Variants in GPATCH2 observed in about 807,000 individuals in gnomAD.
GPATCH2 encodes the protein G patch domain-containing protein 2.
A neutral mutation model predicts 58.0 loss-of-function variants in GPATCH2; 51 were observed. The observed-to-expected ratio is 0.88, with a 90% confidence interval of 0.70 to 1.11. GPATCH2 has a LOEUF of 1.11. GPATCH2 is among the 50% of genes most tolerant of loss of function. The pLI is 0.00. For synonymous variants in GPATCH2, 222 were observed against 218.5 expected, an observed-to-expected ratio of 1.02 and a Z score of -0.14; for missense variants, 625 against 652.2, an observed-to-expected ratio of 0.96 and a Z score of 0.45.
chr1:217,619,994 A>T lies in GPATCH2; in HGVS notation c.562T>A (p.Cys188Ser), dbSNP rs1669103599. 6.2e-7 allele frequency: 1 copy of T among 1,613,932 alleles called. No individual in the cohort carries two copies. The highest frequency in any genetic ancestry group is 1.3e-5 in the African/African-American group (1 of 74,920). Reference sequence around the variant, plus strand: ...TCACTGTCCATGTCCTGATCTCTACAACCCTCAGGTGGCTGGGTCATTGTC... The same window carrying T: ...TCACTGTCCATGTCCTGATCTCTACTACCCTCAGGTGGCTGGGTCATTGTC... Reference protein sequence around the residue: ...KRTMTQPPEGCRDQDMDSDRA... With the variant: ...KRTMTQPPEGSRDQDMDSDRA... Residue 188 changes from cysteine (C) to serine (S), a missense_variant, in exon 2 of 10, where the codon TGT becomes AGT. By Grantham distance (112) the Cys-to-Ser change is moderately radical. Transcript: ENST00000366935.
At chr1:217,572,267 C>A (rs1017680697) in intron 5 of GPATCH2, among the ~76,000 whole-genome samples, 4 of 152,080 alleles carry the variant, frequency 2.6e-5, no homozygotes, top group African/African-American at 9.7e-5. Context: ...CTAACTTATT[C>A]TGTGTAACTC....
chr1:217,500,234 T>A (rs1488785712), intron 6 of GPATCH2, among the ~76,000 whole-genome samples: 1 of 152,128 alleles, frequency 6.6e-6, no homozygotes, highest in Non-Finnish European at 1.5e-5. Flanking sequence ...TTCTTATCAC[T>A]GTTAGTTTTC....
intron 2 of GPATCH2, among the ~76,000 whole-genome samples, chr1:217,617,848 G>A (rs1464042159): frequency 6.6e-6 from 1 of 152,082 alleles, no homozygotes; most frequent in Non-Finnish European, 1.5e-5. Flanking sequence ...GCCTGTTCAT[G>A]CCTAGTAGAT....
intron 5 of GPATCH2, among the ~76,000 whole-genome samples, chr1:217,571,542 G>A (rs1003044035): frequency 6.6e-6 from 1 of 151,162 alleles, no homozygotes; most frequent in South Asian, 2.1e-4. Context: ...AAAGGTGAGC[G>A]ATTAAAAAGG....
At chr1:217,576,260 G>A (rs1666798101) in intron 5 of GPATCH2, among the ~76,000 whole-genome samples, 1 of 152,070 alleles carries the variant, frequency 6.6e-6, no homozygotes, top group Non-Finnish European at 1.5e-5. Flanking sequence ...AACCAGTGAT[G>A]ACACACTATC....
intron 8 of GPATCH2, among the ~76,000 whole-genome samples, chr1:217,490,108 T>C (rs1476861142): frequency 1.3e-5 from 2 of 152,184 alleles, no homozygotes; most frequent in African/African-American, 2.4e-5. Flanking sequence ...AAAATCTTTA[T>C]TTTACTTCAT....
chr1:217,567,382 A>C (rs1270991785), intron 5 of GPATCH2, among the ~76,000 whole-genome samples: 1 of 152,196 alleles, frequency 6.6e-6, no homozygotes, highest in Non-Finnish European at 1.5e-5. Context: ...CATTTGCTTA[A>C]GAGTATTGGC....
At chr1:217,562,217 A>T (rs1464539336) in intron 5 of GPATCH2, among the ~76,000 whole-genome samples, 2 of 152,192 alleles carry the variant, frequency 1.3e-5, no homozygotes, top group Admixed American at 1.3e-4. Flanking sequence ...AAAACACAGC[A>T]TTGGGTTTAT....
intron 6 of GPATCH2, among the ~76,000 whole-genome samples, chr1:217,501,150 T>G (rs1441086530): frequency 6.6e-6 from 1 of 152,126 alleles, no homozygotes; most frequent in Non-Finnish European, 1.5e-5. Flanking sequence ...ATTCTCTATT[T>G]TTATAATTTT....
At chr1:217,454,348 G>A (rs1416138289) in intron 8 of GPATCH2, among the ~76,000 whole-genome samples, 2 of 152,004 alleles carry the variant, frequency 1.3e-5, no homozygotes, top group African/African-American at 2.4e-5. Context: ...CCAGCACCTT[G>A]GGAGGCTGAG....
chr1:217,533,321 A>T (rs1664296280), intron 5 of GPATCH2, among the ~76,000 whole-genome samples: 1 of 152,200 alleles, frequency 6.6e-6, no homozygotes, highest in Admixed American at 6.5e-5. Flanking sequence ...AGTGTATGAG[A>T]TATTAAAACT....
chr1:217,627,778 A>G (rs564167374), intron 1 of GPATCH2, among the ~76,000 whole-genome samples: 1 of 152,224 alleles, frequency 6.6e-6, no homozygotes, highest in South Asian at 2.1e-4. Context: ...CTCATTTATT[A>G]TTAAATCTGA....
chr1:217,472,240 T>C (rs1660753788), intron 8 of GPATCH2, among the ~76,000 whole-genome samples: 1 of 151,762 alleles, frequency 6.6e-6, no homozygotes, highest in Non-Finnish European at 1.5e-5. Flanking sequence ...CAAGATCTTT[T>C]CAAAAATGAC....
At chr1:217,508,232 T>C (rs1251602609) in intron 6 of GPATCH2, among the ~76,000 whole-genome samples, 1 of 152,144 alleles carries the variant, frequency 6.6e-6, no homozygotes, top group Non-Finnish European at 1.5e-5. Context: ...ACACTTTCAC[T>C]ATAAAGCAAT....
At chr1:217,465,642 G>A (rs188440143) in intron 8 of GPATCH2, among the ~76,000 whole-genome samples, 114 of 152,162 alleles carry the variant, frequency 7.5e-4, no homozygotes, top group Non-Finnish European at 1.3e-3. Flanking sequence ...CTCTCTTGCC[G>A]CCAACATGTA....
intron 5 of GPATCH2, among the ~76,000 whole-genome samples, chr1:217,523,489 G>A (rs1663589724): frequency 6.6e-6 from 1 of 151,418 alleles, no homozygotes; most frequent in Non-Finnish European, 1.5e-5. Flanking sequence ...CAGGGTTGGG[G>A]GTAAGGTCAC....
At chr1:217,578,319 A>T (rs1324707168) in intron 5 of GPATCH2, among the ~76,000 whole-genome samples, 2 of 151,876 alleles carry the variant, frequency 1.3e-5, no homozygotes, top group Non-Finnish European at 2.9e-5. Flanking sequence ...GCCTCAAAGA[A>T]CTCCTAGGCC....
At chr1:217,471,159 CAAAAG>C (rs1235048692) in intron 8 of GPATCH2, among the ~76,000 whole-genome samples, 6 of 151,760 alleles carry the variant, frequency 4.0e-5, no homozygotes, top group African/African-American at 1.5e-4. Context: ...TGAAATATGA[CAAAAG>C]AGAATTTGTT....
At chr1:217,621,369 C>T (rs1431975003) in intron 1 of GPATCH2, among the ~76,000 whole-genome samples, 1 of 152,114 alleles carries the variant, frequency 6.6e-6, no homozygotes, top group African/African-American at 2.4e-5. Flanking sequence ...GATTTGCACC[C>T]GTCTTATGAA....
Sources: gnomAD v4.1 joint callset for allele counts (sites outside exome capture counted in the v4.1 genomes callset) on GRCh38, gnomAD v4.1.1 for gene constraint, MANE v1.5 for transcripts, NCBI Gene and HGNC (gene_info 2026-07-23, HGNC 2026-07-21) for gene names.